Variants in KCNK2 observed in about 807,000 individuals in gnomAD.
KCNK2 encodes the protein potassium two pore domain channel subfamily K member 2.
Under a neutral mutation model 40.5 loss-of-function variants are expected in KCNK2, and 21 were observed. That is an observed-to-expected ratio of 0.52 (90% confidence interval 0.37 to 0.75). The LOEUF (loss-of-function observed/expected upper bound fraction) is 0.75, where lower values mean the gene tolerates loss of function less well. Among genes scored for constraint, KCNK2 ranks in the 30% least tolerant of loss-of-function variants. The pLI is 0.00. For synonymous variants in KCNK2, 191 were observed against 202.2 expected (o/e 0.94, Z 0.47); for missense variants, 399 against 531.6 (o/e 0.75, Z 2.45).
At chr1:215,014,218 A>G (rs1292451071) in intron 1 of KCNK2, among the ~76,000 whole-genome samples, 1 of 152,054 alleles carries the variant, frequency 6.6e-6, no homozygotes, top group African/African-American at 2.4e-5. Context: ...TATTGATTGA[A>G]TTTTGAATGT....
chr1:215,031,403 A>G (rs1657183897), intron 1 of KCNK2, among the ~76,000 whole-genome samples: 3 of 152,130 alleles, frequency 2.0e-5, no homozygotes, highest in African/African-American at 7.2e-5. Context: ...TTCTTTCATG[A>G]GTTTTGCCAT....
intron 1 of KCNK2, among the ~76,000 whole-genome samples, chr1:215,063,759 G>A (rs555631203): frequency 6.6e-6 from 1 of 152,300 alleles, no homozygotes; most frequent in Non-Finnish European, 1.5e-5. Flanking sequence ...CGGTACATTA[G>A]CCTTCTTTTC....
intron 6 of KCNK2, among the ~76,000 whole-genome samples, chr1:215,205,227 A>G (rs1665261959): frequency 6.6e-6 from 1 of 152,148 alleles, no homozygotes; most frequent in Non-Finnish European, 1.5e-5. Flanking sequence ...GGCAGAATTC[A>G]TATGAGTGAA....
intron 1 of KCNK2, among the ~76,000 whole-genome samples, chr1:215,040,526 C>T (rs557132641): frequency 1.1e-4 from 17 of 152,290 alleles, no homozygotes; most frequent in South Asian, 6.2e-4. Flanking sequence ...ATTTACATAA[C>T]TGTGTGACTA....
intron 5 of KCNK2, among the ~76,000 whole-genome samples, chr1:215,191,765 G>T (rs1664676412): frequency 6.6e-6 from 1 of 152,124 alleles, no homozygotes; most frequent in African/African-American, 2.4e-5. Flanking sequence ...AAATGGAAAG[G>T]ATTTATGTGC....
intron 3 of KCNK2, among the ~76,000 whole-genome samples, chr1:215,164,409 A>G (rs1382753630): frequency 1.2e-4 from 18 of 151,794 alleles, no homozygotes; most frequent in Non-Finnish European, 1.5e-5. Flanking sequence ...TTGTGTCTCT[A>G]TCTCCCTCAG....
rs748722690 is a variant in KCNK2 at position 215,086,318 on chromosome 1, A to G, written c.47-50A>G. The G allele has an allele frequency of 2.7e-6, 4 of 1,467,610 alleles. 1 individual carries two copies. The highest frequency in any genetic ancestry group is 2.4e-5 in the South Asian group (2 of 83,986). The allele number at this position is 1,467,610 out of a possible 1,614,324, so 90.9% of individuals were successfully genotyped here. A position where few individuals can be genotyped will look rare whatever the true frequency, so the allele number is the denominator to read the frequency against. ...ACCCCTTAAAGAAGAAGCCCGACCA[A>G]TTCCCTTCTCATCTCCTCCAACCTA... is the stretch of plus-strand genomic sequence containing the variant. On this transcript the variant is annotated intron_variant, in intron 1 of 6. Transcript: ENST00000444842.
chr1:215,199,036 G>T (rs940929693), intron 6 of KCNK2, among the ~76,000 whole-genome samples: 5 of 152,066 alleles, frequency 3.3e-5, no homozygotes, highest in Non-Finnish European at 7.4e-5. Context: ...TCTGTTTCCA[G>T]CCAGGCGCTG....
At chr1:215,101,522 T>C (rs957860219) in intron 2 of KCNK2, among the ~76,000 whole-genome samples, 1 of 151,910 alleles carries the variant, frequency 6.6e-6, no homozygotes, top group African/African-American at 2.4e-5. Context: ...CTCTGGTGGA[T>C]CAAGACAGCT....
intron 5 of KCNK2, among the ~76,000 whole-genome samples, chr1:215,176,992 C>A (rs1425918049): frequency 6.6e-6 from 1 of 152,134 alleles, no homozygotes; most frequent in Non-Finnish European, 1.5e-5. Flanking sequence ...ACAGCCTTGG[C>A]AGCATCTGTT....
chr1:215,158,309 T>C (rs1212243475), intron 3 of KCNK2, among the ~76,000 whole-genome samples: 1 of 152,172 alleles, frequency 6.6e-6, no homozygotes, highest in Non-Finnish European at 1.5e-5. Flanking sequence ...TCTAGAATTC[T>C]CTTTGGATTT....
At chr1:215,016,958 A>G (rs1458317658) in intron 1 of KCNK2, among the ~76,000 whole-genome samples, 1 of 152,220 alleles carries the variant, frequency 6.6e-6, no homozygotes, top group African/African-American at 2.4e-5. Context: ...ACATTTCTCA[A>G]AAGAAGACAT....
At chr1:215,135,134 C>T (rs138847962) in intron 3 of KCNK2, among the ~76,000 whole-genome samples, 1 of 152,086 alleles carries the variant, frequency 6.6e-6, no homozygotes, top group African/African-American at 2.4e-5. Context: ...TTGATGCAGA[C>T]TAGTTTTGCT....
chr1:215,205,017 T>G (rs1056090885), intron 6 of KCNK2, among the ~76,000 whole-genome samples: 1 of 152,202 alleles, frequency 6.6e-6, no homozygotes, highest in African/African-American at 2.4e-5. Flanking sequence ...TGTGCCCATG[T>G]GTGCATGTGC....
intron 1 of KCNK2, among the ~76,000 whole-genome samples, chr1:215,055,182 G>A (rs1170603554): frequency 6.6e-6 from 1 of 152,036 alleles, no homozygotes; most frequent in Non-Finnish European, 1.5e-5. Context: ...AGTATACCTG[G>A]GTACACCTCA....
At chr1:215,174,318 T>C (rs1252195723) in intron 5 of KCNK2, among the ~76,000 whole-genome samples, 3 of 152,178 alleles carry the variant, frequency 2.0e-5, no homozygotes, top group Non-Finnish European at 4.4e-5. Context: ...CTGTTCTGTT[T>C]CATTGGTCTA....
At chr1:215,123,031 ACCACGCC>A (rs1401814525) in intron 2 of KCNK2, among the ~76,000 whole-genome samples, 1 of 152,070 alleles carries the variant, frequency 6.6e-6, no homozygotes, top group Non-Finnish European at 1.5e-5. Context: ...GGCGTGAGCC[ACCACGCC>A]CCACCGAAAA....
At chr1:215,024,580 G>T (rs1436308693) in intron 1 of KCNK2, among the ~76,000 whole-genome samples, 1 of 151,950 alleles carries the variant, frequency 6.6e-6, no homozygotes, top group East Asian at 1.9e-4. Context: ...TCATGTAATT[G>T]TTCTGACATC....
Position 215,083,210 on chromosome 1 carries a change from T to TCCCCC in KCNK2, c.-173_-172insCCCCC. On this transcript the variant is annotated 5_prime_UTR_variant, in exon 1 of 7. Coordinates refer to ENST00000444842, the MANE Select transcript of KCNK2 (RefSeq NM_001017425.3). ...TTCTCACGCTCCCCCCCCCGCCCCCTCCCGCGTCCAGCCCCGCTCTCCCCA... is the reference window on the plus strand; with the variant it reads ...TTCTCACGCTCCCCCCCCCGCCCCCTCCCCCCCCGCGTCCAGCCCCGCTCTCCCCA... 1.3e-5 allele frequency: 5 copies of TCCCCC among 391,896 alleles called. No individual in the cohort carries two copies. The highest frequency in any genetic ancestry group is 4.8e-5 in the African/African-American group (1 of 20,722). 24.3% of individuals were successfully genotyped at this position (391,896 alleles called of 1,614,324 possible). A position where few individuals can be genotyped will look rare whatever the true frequency, so the allele number is the denominator to read the frequency against.
Sources: allele counts gnomAD v4.1 joint callset (sites outside exome capture counted in the v4.1 genomes callset), GRCh38; gene constraint gnomAD v4.1.1; transcripts MANE v1.5; gene names NCBI Gene and HGNC (gene_info 2026-07-23, HGNC 2026-07-21).